ASNS: variants seen among roughly 807,000 people sequenced by gnomAD.
The protein encoded by ASNS is asparagine synthetase (glutamine-hydrolyzing), also known as asparagine synthetase [glutamine-hydrolyzing].
A neutral mutation model predicts 62.6 loss-of-function variants in ASNS; 37 were observed. The ratio of observed to expected loss-of-function variants is 0.59; its 90% CI spans 0.45 to 0.78. ASNS has a LOEUF of 0.78. Among genes scored for constraint, ASNS ranks in the 30% least tolerant of loss-of-function variants. The pLI, the probability that ASNS is intolerant of heterozygous loss-of-function variation, is 0.00. For missense variants in ASNS, 520 were observed against 682.4 expected, an observed-to-expected ratio of 0.76 and a Z score of 2.65; for synonymous variants, 207 against 237.9, an observed-to-expected ratio of 0.87 and a Z score of 1.19.
chr7:97,854,514 TTTTTG>T, intron 10 of ASNS, 61 bp downstream of exon 10: 7 of 1,574,768 alleles, frequency 4.4e-6, no homozygotes, highest in African/African-American at 1.4e-5. Context: ...GGTATTGAGC[TTTTTG>T]TTTTGTTTTG....
At chr7:97,859,181 G>C (rs1309075913) in intron 5 of ASNS, 32 bp downstream of exon 5, 3 of 1,569,908 alleles carry the variant, frequency 1.9e-6, no homozygotes, top group Non-Finnish European at 2.6e-6. Flanking sequence ...CCTTGGAGAA[G>C]GATGGGGAAT....
the ASNS span, chr7:97,906,443 G>A: frequency 8.6e-6 from 2 of 232,934 alleles, no homozygotes; most frequent in South Asian, 5.4e-5. Flanking sequence ...GCCCCCTTCA[G>A]TGGAGCTAAA....
At chr7:97,877,395 T>G (rs189556554), upstream of ASNS, among the ~76,000 whole-genome samples, 1 of 152,248 alleles carries the variant, frequency 6.6e-6, no homozygotes, top group African/African-American at 2.4e-5. Flanking sequence ...GCCTGGCCCA[T>G]TTAACTTCTA....
In ASNS at chr7:97,851,908, G is replaced by A; in HGVS notation, c.*351C>T. On this transcript the variant is annotated 3_prime_UTR_variant, in exon 13 of 13. Transcript: ENST00000394308. The stretch of plus-strand genomic sequence containing the variant: ...AACAAAAATAGTGTAGTCCTTTGAT[G>A]ACGTCCCTAAGATGAGGCAAGGACT... The A allele has an allele frequency of 3.7e-6, 1 of 273,196 alleles. No individual in the cohort carries two copies. The highest frequency in any genetic ancestry group is 7.1e-6 in the Non-Finnish European group (1 of 141,534). The allele number at this position is 273,196 out of a possible 1,614,324, so 16.9% of individuals were successfully genotyped here.
At chr7:97,889,330 A>C in the ASNS span, among the ~76,000 whole-genome samples, 1 of 152,190 alleles carries the variant, frequency 6.6e-6, no homozygotes, top group African/African-American at 2.4e-5. Flanking sequence ...CAGCCTGGCC[A>C]ACATAGTGAA....
At chr7:97,917,897 C>T in the ASNS span, among the ~76,000 whole-genome samples, 1 of 152,254 alleles carries the variant, frequency 6.6e-6, no homozygotes, top group African/African-American at 2.4e-5. Context: ...CTCACTGAAC[C>T]CTCATGGCAG....
chr7:97,879,365 C>T, the ASNS span, among the ~76,000 whole-genome samples: 1 of 152,196 alleles, frequency 6.6e-6, no homozygotes, highest in East Asian at 1.9e-4. Context: ...AGGTAACCTA[C>T]AGAATGGGAG....
At chr7:97,855,790 A>G (rs552739219) in intron 8 of ASNS, among the ~76,000 whole-genome samples, 8 of 152,328 alleles carry the variant, frequency 5.3e-5, no homozygotes, top group African/African-American at 1.7e-4. Flanking sequence ...TGCCTTTCAT[A>G]GTGGTATTAT....
intron 9 of ASNS, 140 bp downstream of exon 9, chr7:97,855,213 A>G (rs1186799847): frequency 8.4e-6 from 5 of 595,158 alleles, no homozygotes; most frequent in Non-Finnish European, 1.4e-5. Context: ...GATAGAAAGC[A>G]AACACTATCA....
chr7:97,854,539 T>C, intron 10 of ASNS, 41 bp downstream of exon 10: 1 of 1,587,972 alleles, frequency 6.3e-7, no homozygotes, highest in Non-Finnish European at 8.5e-7. Context: ...GTTTTTGGTG[T>C]TTTTTTGTTT....
chr7:97,855,740 C>T (rs1791406478), intron 8 of ASNS, among the ~76,000 whole-genome samples: 1 of 152,144 alleles, frequency 6.6e-6, no homozygotes, highest in Non-Finnish European at 1.5e-5. Context: ...CACCTCAAAA[C>T]TTTGCTAAGC....
At chr7:97,898,820 T>C in the ASNS span, 2 of 756,950 alleles carry the variant, frequency 2.6e-6, no homozygotes, top group East Asian at 2.4e-5. Flanking sequence ...ATCCATGCCA[T>C]AGAAGTTAGT....
the ASNS span, among the ~76,000 whole-genome samples, chr7:97,912,396 T>C: frequency 6.6e-6 from 1 of 151,996 alleles, no homozygotes; most frequent in Non-Finnish European, 1.5e-5. Context: ...AAAGCAATCT[T>C]GTGGAAAGAA....
Position 97,854,501 on chromosome 7 carries a change from C to G in ASNS, c.1238+79G>C, listed in dbSNP as rs541674477. ...AATCAGCTATTGATTTTTATTTTCT[C>G]AGGGTATTGAGCTTTTTGTTTTGTT... On this transcript the variant is annotated intron_variant, in intron 10 of 12. Transcript: ENST00000394308. The G allele has an allele frequency of 6.5e-6, 10 of 1,532,746 alleles. No individual in the cohort carries two copies. The African/African-American group carries it at 1.4e-4, about 21-fold the overall frequency. 94.9% of individuals were successfully genotyped at this position (1,532,746 alleles called of 1,614,324 possible).
intron 1 of ASNS, chr7:97,870,163 C>T: frequency 1.1e-6 from 1 of 875,344 alleles, no homozygotes; most frequent in East Asian, 3.1e-5. Context: ...TGACACATTG[C>T]ACCATGTGTG....
At chr7:97,883,566 T>C in the ASNS span, among the ~76,000 whole-genome samples, 1 of 152,210 alleles carries the variant, frequency 6.6e-6, no homozygotes, top group African/African-American at 2.4e-5. Context: ...GCCTCCTCAC[T>C]GGCCTCTGTC....
the ASNS span, among the ~76,000 whole-genome samples, chr7:97,894,773 G>T: frequency 6.6e-6 from 1 of 152,082 alleles, no homozygotes; most frequent in Non-Finnish European, 1.5e-5. Flanking sequence ...AGGCTTTTAT[G>T]CTGATTTCTA....
intron 1 of ASNS, chr7:97,872,032 A>G (rs1307618484): frequency 6.6e-6 from 1 of 152,244 alleles, no homozygotes; most frequent in Non-Finnish European, 1.5e-5. Context: ...GTACACATAT[A>G]ACATTTACAG....
At chr7:97,915,472 C>T in the ASNS span, among the ~76,000 whole-genome samples, 1 of 151,840 alleles carries the variant, frequency 6.6e-6, no homozygotes, top group Middle Eastern at 3.4e-3. Context: ...ATGAGAATCA[C>T]GAACAGGCAT....
Sources: gnomAD v4.1 joint callset for allele counts (sites outside exome capture counted in the v4.1 genomes callset) on GRCh38, gnomAD v4.1.1 for gene constraint, MANE v1.5 for transcripts, NCBI Gene and HGNC (gene_info 2026-07-23, HGNC 2026-07-21) for gene names.